GSAP: variants seen among roughly 807,000 people sequenced by gnomAD.
The protein encoded by GSAP is gamma-secretase activating protein.
In GSAP, 118 loss-of-function variants were observed where a neutral mutation model predicts 131.7. That is an observed-to-expected ratio of 0.90 (90% confidence interval 0.77 to 1.04). The LOEUF is 1.04. GSAP is among the 50% of genes least tolerant of loss of function. The pLI is 0.00. For synonymous variants in GSAP, 381 were observed against 363.4 expected, an observed-to-expected ratio of 1.05 and a Z score of -0.55; for missense variants, 1,019 against 1,013.2, an observed-to-expected ratio of 1.01 and a Z score of -0.08.
intron 10 of GSAP, among the ~76,000 whole-genome samples, chr7:77,375,761 T>G (rs968522831): frequency 1.3e-5 from 2 of 151,736 alleles, no homozygotes; most frequent in East Asian, 1.9e-4. Context: ...GGAGAATTGC[T>G]TGAATCCAGG....
At chr7:77,351,300 A>T (rs999777838) in intron 18 of GSAP, 2 of 944,120 alleles carry the variant, frequency 2.1e-6, no homozygotes, top group Non-Finnish European at 2.5e-6. Flanking sequence ...TTTGCAAAAC[A>T]TAATTCAGGA....
rs574659455 is a variant in GSAP at position 77,330,721 on chromosome 7, C to T, written c.1546-354G>A. On this transcript the variant is annotated intron_variant, in intron 19 of 30. Coordinates refer to ENST00000257626, the MANE Select transcript of GSAP (RefSeq NM_017439.4). ...CTGAGTCATTTCCTCCCTTGAGACC[C>T]GTTTTTATGACTTAGGTGGTGTCAA... 7 of 989,656 alleles carry T rather than the reference C, an allele frequency of 7.1e-6. No individual in the cohort carries two copies. The Admixed American group carries it at 1.8e-4, about 26-fold the overall frequency. 61.3% of individuals were successfully genotyped at this position (989,656 alleles called of 1,614,324 possible).
At chr7:77,367,336 G>A (rs938015516) in intron 12 of GSAP, among the ~76,000 whole-genome samples, 1 of 152,170 alleles carries the variant, frequency 6.6e-6, no homozygotes, top group Non-Finnish European at 1.5e-5. Context: ...GTATGATGTT[G>A]GCTATGGGTT....
rs1168751480 is a variant in GSAP, at chr7:77,362,609, G to A, written c.923C>T (p.Thr308Ile). ...SPKCASWGQI[T>I]YSVFYIHKGH... ...TTTATGAATGTAAAACACTGAATAT[G>A]TGATTTGTCCCCAAGAGGCACACTT... The change falls in exon 13 of 31, where the codon ACA becomes ATA. Residue 308 changes from threonine (T) to isoleucine (I), a missense_variant. Physicochemically the swap from Thr to Ile is moderately conservative, Grantham distance 89. Coordinates refer to ENST00000257626, the MANE Select transcript of GSAP (RefSeq NM_017439.4). 3.2e-6 allele frequency: 5 copies of A among 1,577,056 alleles called. No homozygotes were observed. Among genetic ancestry groups the A allele is most frequent in the Non-Finnish European group, 4.4e-6 (5 of 1,147,102 alleles).
At chr7:77,371,826 G>T (rs1044897882) in intron 12 of GSAP, among the ~76,000 whole-genome samples, 5 of 152,208 alleles carry the variant, frequency 3.3e-5, no homozygotes, top group Non-Finnish European at 7.3e-5. Flanking sequence ...CAGTGAAGGA[G>T]TATCAGTGAA....
chr7:77,399,196 C>A (rs1339861197), intron 3 of GSAP, among the ~76,000 whole-genome samples: 4 of 152,194 alleles, frequency 2.6e-5, no homozygotes, highest in African/African-American at 4.8e-5. Context: ...AAGTCTTTAA[C>A]TCCAAGCATC....
chr7:77,408,689 C>CAAAAAAAAAAAAAAA (rs749202124), intron 1 of GSAP, among the ~76,000 whole-genome samples: 1 of 67,026 alleles, frequency 1.5e-5, no homozygotes, highest in Non-Finnish European at 2.8e-5. Context: ...ACTCTGCCTC[C>CAAAAAAAAAAAAAAA]AAAAAAAAAA....
At chr7:77,312,446 A>G (rs1198182416) in intron 28 of GSAP, among the ~76,000 whole-genome samples, 1 of 152,140 alleles carries the variant, frequency 6.6e-6, no homozygotes, top group Non-Finnish European at 1.5e-5. Flanking sequence ...AAACCCTTTT[A>G]CTGAAATGGA....
intron 13 of GSAP, among the ~76,000 whole-genome samples, chr7:77,362,258 G>A (rs571591777): frequency 1.6e-3 from 250 of 152,190 alleles, no homozygotes; most frequent in Non-Finnish European, 2.4e-3. Context: ...AAGCTGAGGC[G>A]GGTGGATCAC....
chr7:77,325,814 G>T (rs528184348), intron 23 of GSAP, among the ~76,000 whole-genome samples: 1 of 152,004 alleles, frequency 6.6e-6, no homozygotes, highest in East Asian at 1.9e-4. Flanking sequence ...CAGGTGATTC[G>T]CCCACCTTGG....
Position 77,406,118 on chromosome 7 carries a change from TAGG to T in GSAP, c.110-16_110-14del, listed in dbSNP as rs1010949709. On this transcript the variant is annotated splice_polypyrimidine_tract_variant and intron_variant, in intron 1 of 30. Transcript: ENST00000257626. ...TTTTCTAAAACATCTGAAATGATAA[TAGG>T]AGGTTAATACTCAGCAGAAGATGGT... 2 of 1,259,342 alleles carry T rather than the reference TAGG, an allele frequency of 1.6e-6. No individual in the cohort carries two copies. The highest frequency in any genetic ancestry group is 3.4e-5 in the Admixed American group (1 of 29,376). The allele number at this position is 1,259,342 out of a possible 1,614,324, so 78.0% of individuals were successfully genotyped here. A position where few individuals can be genotyped will look rare whatever the true frequency, so the allele number is the denominator to read the frequency against.
At chr7:77,375,246 T>C in intron 10 of GSAP, 145 bp from the exon 11 acceptor site, 1 of 522,792 alleles carries the variant, frequency 1.9e-6, no homozygotes, top group South Asian at 2.9e-5. Flanking sequence ...GAGGTTATTA[T>C]ACTCCAAATC....
intron 16 of GSAP, 114 bp downstream of exon 16, chr7:77,355,099 A>C: frequency 1.5e-6 from 1 of 683,260 alleles, no homozygotes; most frequent in Non-Finnish European, 2.5e-6. Context: ...GCAAGGCCAC[A>C]CACCTCAATT....
rs140854000 is a variant in GSAP, at chr7:77,382,623, T to G, written c.477A>C (p.Glu159Asp). The change falls in exon 7 of 31, where the codon GAA becomes GAC. Residue 159 changes from glutamate to aspartate, a missense_variant. Physicochemically the swap from Glu to Asp is conservative, Grantham distance 45. Coordinates refer to ENST00000257626, the MANE Select transcript of GSAP (RefSeq NM_017439.4). ...IWVQFLYPHI[E>D]SHPLPENHLL... ...GATGGTTCTCTGGAAGAGGATGACT[T>G]TCAATATGTGGGTAGAGAAACTGTA... The G allele has an allele frequency of 3.2e-6, 5 of 1,557,492 alleles. No individual in the cohort carries two copies. The African/African-American group carries it at 6.8e-5, about 21-fold the overall frequency.
intron 3 of GSAP, among the ~76,000 whole-genome samples, chr7:77,403,390 C>G (rs1212214938): frequency 1.3e-5 from 2 of 152,128 alleles, no homozygotes; most frequent in African/African-American, 4.8e-5. Context: ...TATTGGAACC[C>G]TGAAGAGTAA....
chr7:77,397,352 A>G lies in GSAP; in HGVS notation c.307T>C (p.Leu103=). 1 of 1,598,284 alleles carries G rather than the reference A, an allele frequency of 6.3e-7. No individual in the cohort carries two copies. The highest frequency in any genetic ancestry group is 1.1e-5 in the South Asian group (1 of 89,798). Residue 103 remains leucine, a synonymous_variant, in exon 4 of 31, where the codon TTG becomes CTG. Coordinates refer to ENST00000257626, the MANE Select transcript of GSAP (RefSeq NM_017439.4). ...CAATAAGAGCTCAACTTACCAAGCAAAGTCCTTTCACTGTTGACAGAGCAA... is the reference window on the plus strand; with the variant it reads ...CAATAAGAGCTCAACTTACCAAGCAGAGTCCTTTCACTGTTGACAGAGCAA... ...FSCSVNSERT[L]LAASLVQSTK... is the part of the protein sequence containing the mutation.
intron 5 of GSAP, among the ~76,000 whole-genome samples, chr7:77,396,218 GA>G (rs1008579805): frequency 6.7e-6 from 1 of 150,130 alleles, no homozygotes; most frequent in South Asian, 2.1e-4. Flanking sequence ...TTTCGTTAAA[GA>G]AAAAAAATAT....
chr7:77,321,342 A>C lies in GSAP; in HGVS notation c.1985T>G (p.Val662Gly). Residue 662 changes from valine to glycine, a missense_variant, in exon 25 of 31, where the codon GTT becomes GGT. Val to Gly is a moderately radical substitution (Grantham distance 109, BLOSUM62 -3). Coordinates refer to ENST00000257626, the MANE Select transcript of GSAP (RefSeq NM_017439.4). Reference protein sequence around the residue: ...NWRKHNLHSWVLHFNSRGSAA... With the variant: ...NWRKHNLHSWGLHFNSRGSAA... ...AGAAATACTTGCGTACAAGTGGAGA[A>C]CCCAGGAATGAAGATTATGTTTCCT... The C allele has an allele frequency of 6.3e-7, 1 of 1,591,100 alleles. No individual in the cohort carries two copies. Among genetic ancestry groups the C allele is most frequent in the Non-Finnish European group, 8.6e-7 (1 of 1,159,094 alleles).
At chr7:77,363,331 C>G (rs1477059414) in intron 12 of GSAP, among the ~76,000 whole-genome samples, 1 of 152,226 alleles carries the variant, frequency 6.6e-6, no homozygotes, top group African/African-American at 2.4e-5. Context: ...TTATCTCTAG[C>G]AGCTGCTGCT....
Sources: gnomAD v4.1 joint callset for allele counts (sites outside exome capture counted in the v4.1 genomes callset) on GRCh38, gnomAD v4.1.1 for gene constraint, MANE v1.5 for transcripts, NCBI Gene and HGNC (gene_info 2026-07-23, HGNC 2026-07-21) for gene names.